The following ACBD3 variants were observed in gnomAD, a reference collection of about 807,000 sequenced individuals.
ACBD3 encodes acyl-CoA binding domain containing 3, also known as Golgi resident protein GCP60.
In ACBD3, 30 loss-of-function variants were observed where a neutral mutation model predicts 66.9. The ratio of observed to expected loss-of-function variants is 0.45; its 90% CI spans 0.34 to 0.61. The LOEUF (loss-of-function observed/expected upper bound fraction) is 0.61, where lower values mean the gene tolerates loss of function less well. Among genes scored for constraint, ACBD3 ranks in the 20% least tolerant of loss-of-function variants. The pLI is 0.02. For missense variants in ACBD3, 544 were observed against 664.5 expected, an observed-to-expected ratio of 0.82 and a Z score of 1.99; for synonymous variants, 278 against 259.8, an observed-to-expected ratio of 1.07 and a Z score of -0.68.
intron 1 of ACBD3, among the ~76,000 whole-genome samples, chr1:226,171,369 G>A (rs1172357347): frequency 6.6e-6 from 1 of 151,894 alleles, no homozygotes; most frequent in Non-Finnish European, 1.5e-5. Context: ...GGCTGGTCTC[G>A]AACTCCTGAT....
chr1:226,164,786 C>G lies in ACBD3; in HGVS notation c.569+3G>C. On this transcript the variant is annotated splice_donor_region_variant and intron_variant, in intron 3 of 7. Coordinates refer to ENST00000366812, the MANE Select transcript of ACBD3 (RefSeq NM_022735.4). ...TAAAGTATTCCATGCCCTCAAACTT[C>G]ACCTTTTTTTTTCTTGCTCTTCCTT... 6.2e-7 allele frequency: 1 copy of G among 1,608,094 alleles called. No homozygotes were observed. The highest frequency in any genetic ancestry group is 8.5e-7 in the Non-Finnish European group (1 of 1,177,382).
chr1:226,159,292 C>A lies in ACBD3; in HGVS notation c.795G>T (p.Gln265His). Residue 265 changes from glutamine to histidine, a missense_variant, in exon 5 of 8, where the codon CAG becomes CAT. Around this residue, in one of 3 missense-constraint regions of ACBD3, gnomAD observed 383 missense variants for 462.4 expected, o/e 0.83. Coordinates refer to ENST00000366812, the MANE Select transcript of ACBD3 (RefSeq NM_022735.4). ...AVQFQQYAAQ[Q>H]YPGNYEQQQI... ...GCTGCTGTTCGTAGTTCCCTGGATA[C>A]TGTTGGGCTGCATACTGCTGGAACT... 1 of 1,614,184 alleles carries A rather than the reference C, an allele frequency of 6.2e-7. No homozygotes were observed. The highest frequency in any genetic ancestry group is 8.5e-7 in the Non-Finnish European group (1 of 1,180,020).
intron 4 of ACBD3, 22 bp downstream of exon 4, chr1:226,161,509 A>G (rs1174131745): frequency 6.2e-7 from 1 of 1,608,948 alleles, no homozygotes; most frequent in Admixed American, 1.7e-5. Flanking sequence ...ATTTTAAAAC[A>G]TAAGCCACAT....
At chr1:226,161,395 T>C (rs1332625270) in intron 4 of ACBD3, 136 bp downstream of exon 4, 1 of 1,182,364 alleles carries the variant, frequency 8.5e-7, no homozygotes, top group Non-Finnish European at 1.2e-6. Context: ...CAACCTCAGG[T>C]GATCTGCCCG....
chr1:226,169,646 G>A (rs1478140522), intron 1 of ACBD3, among the ~76,000 whole-genome samples: 6 of 135,270 alleles, frequency 4.4e-5, no homozygotes, highest in African/African-American at 1.4e-4. Context: ...TCCTGACCTC[G>A]TGATCGGCCT....
chr1:226,165,631 T>C (rs1253218501), intron 2 of ACBD3, among the ~76,000 whole-genome samples: 1 of 152,208 alleles, frequency 6.6e-6, no homozygotes, highest in Non-Finnish European at 1.5e-5. Context: ...GAAGCTCTAC[T>C]TGTCTTATGT....
intron 5 of ACBD3, among the ~76,000 whole-genome samples, chr1:226,158,036 A>C (rs1659707708): frequency 6.6e-6 from 1 of 152,226 alleles, no homozygotes; most frequent in Non-Finnish European, 1.5e-5. Flanking sequence ...AGAGAGAATA[A>C]ATCTCTCAAA....
intron 6 of ACBD3, 123 bp downstream of exon 6, chr1:226,154,524 A>G: frequency 8.5e-7 from 1 of 1,169,680 alleles, no homozygotes; most frequent in South Asian, 1.6e-5. Flanking sequence ...AAGAGTAAAA[A>G]AATGTTCAAC....
chr1:226,159,473 A>G (rs1659731687), intron 4 of ACBD3, 115 bp from the exon 5 acceptor site: 1 of 888,512 alleles, frequency 1.1e-6, no homozygotes, highest in Non-Finnish European at 1.7e-6. Flanking sequence ...CAACTAAGCT[A>G]GTAATGTACA....
rs1212182534 is a variant in ACBD3, at chr1:226,165,897, A to G, written c.390T>C (p.Pro130=). The change falls in exon 2 of 8, where the codon CCT becomes CCC. Residue 130 remains proline (P), a synonymous_variant. Transcript: ENST00000366812. ...CCAACACATCAAAGAATCCAACCTC[A>G]GGACAAGTGTCTGGATTATATGGGC... is the stretch of plus-strand genomic sequence containing the variant. The part of the protein sequence containing the change: ...LMGPYNPDTC[P]EVGFFDVLGN... The G allele has an allele frequency of 6.2e-7, 1 of 1,612,348 alleles. No individual in the cohort carries two copies. The highest frequency in any genetic ancestry group is 8.5e-7 in the Non-Finnish European group (1 of 1,179,560).
At chr1:226,159,426 C>T in intron 4 of ACBD3, 68 bp from the exon 5 acceptor site, 3 of 1,477,382 alleles carry the variant, frequency 2.0e-6, no homozygotes, top group Non-Finnish European at 1.9e-6. Flanking sequence ...ATAAAATGTC[C>T]TTATTACTTA....
At chr1:226,181,159 T>C (rs1026441894) in intron 1 of ACBD3, among the ~76,000 whole-genome samples, 4 of 152,186 alleles carry the variant, frequency 2.6e-5, no homozygotes, top group Admixed American at 1.3e-4. Context: ...CCTCCTACAG[T>C]ATTACATACT....
chr1:226,181,882 TG>T (rs966760943), intron 1 of ACBD3, among the ~76,000 whole-genome samples: 7 of 152,284 alleles, frequency 4.6e-5, no homozygotes, highest in African/African-American at 1.7e-4. Context: ...TGGATTCCTG[TG>T]GGTCCTTAAC....
chr1:226,169,556 CTATTTTTTTTTT>C (rs1242560768), intron 1 of ACBD3, among the ~76,000 whole-genome samples: 5 of 91,090 alleles, frequency 5.5e-5, no homozygotes, highest in Admixed American at 1.4e-4. Context: ...GACTGCCTGG[CTATTTTTTTTTT>C]TTTTTTTTTT....
At chr1:226,151,681 G>T (rs918227086) in intron 7 of ACBD3, among the ~76,000 whole-genome samples, 1 of 152,058 alleles carries the variant, frequency 6.6e-6, no homozygotes, top group Non-Finnish European at 1.5e-5. Flanking sequence ...TAAATGCCAG[G>T]GTTGACAGGA....
intron 7 of ACBD3, 123 bp from the exon 8 acceptor site, chr1:226,146,944 T>G (rs1282603582): frequency 1.1e-6 from 1 of 913,386 alleles, no homozygotes. Flanking sequence ...CAGGATGGAG[T>G]GCAGCGGCGT....
At chr1:226,165,099 A>T (rs1037629489) in intron 2 of ACBD3, among the ~76,000 whole-genome samples, 170 bp from the exon 3 acceptor site, 2 of 152,242 alleles carry the variant, frequency 1.3e-5, no homozygotes, top group Admixed American at 1.3e-4. Context: ...TTACTAAATT[A>T]GATACGCCAC....
intron 4 of ACBD3, among the ~76,000 whole-genome samples, chr1:226,161,120 GA>G (rs1459949399): frequency 6.8e-6 from 1 of 148,102 alleles, no homozygotes; most frequent in East Asian, 2.0e-4. Context: ...TTCTGCAAGT[GA>G]ACCCCCAAAC....
intron 1 of ACBD3, among the ~76,000 whole-genome samples, chr1:226,173,087 G>A (rs1441525851): frequency 6.6e-6 from 1 of 152,084 alleles, no homozygotes; most frequent in African/African-American, 2.4e-5. Flanking sequence ...GAAACAAAGT[G>A]AAATCCTGTC....
Sources: allele counts gnomAD v4.1 joint callset (sites outside exome capture counted in the v4.1 genomes callset), GRCh38; gene constraint gnomAD v4.1.1; regional missense constraint gnomAD v4.1.1; transcripts MANE v1.5; gene names NCBI Gene and HGNC (gene_info 2026-07-23, HGNC 2026-07-21).